Variants in ZPLD1 observed in about 807,000 individuals in gnomAD.
ZPLD1 encodes zona pellucida like domain containing 1.
Under a neutral mutation model 47.2 loss-of-function variants are expected in ZPLD1, and 34 were observed. The ratio of observed to expected loss-of-function variants is 0.72; its 90% confidence interval spans 0.55 to 0.96. ZPLD1 has a LOEUF of 0.96. Among genes scored for constraint, ZPLD1 ranks in the 40% least tolerant of loss-of-function variants. The pLI is 0.00. For missense variants in ZPLD1, 512 were observed against 505.8 expected (o/e 1.01, Z -0.12); for synonymous variants, 176 against 186.2 (o/e 0.95, Z 0.45).
intron 8 of ZPLD1, among the ~76,000 whole-genome samples, chr3:102,421,035 G>C (rs1352264765): frequency 6.6e-6 from 1 of 151,830 alleles, no homozygotes; most frequent in Non-Finnish European, 1.5e-5. Context: ...GTAAAGTTAG[G>C]ATTCTCTATA....
At chr3:102,466,111 G>C (rs776487886) in intron 8 of ZPLD1, among the ~76,000 whole-genome samples, 1 of 152,194 alleles carries the variant, frequency 6.6e-6, no homozygotes, top group Admixed American at 6.5e-5. Context: ...GGAATCGCCT[G>C]GGAAGGCAGG....
At chr3:102,409,809 G>C (rs1205910685) in intron 7 of ZPLD1, among the ~76,000 whole-genome samples, 3 of 151,770 alleles carry the variant, frequency 2.0e-5, no homozygotes, top group African/African-American at 7.3e-5. Flanking sequence ...GAGCTCCACT[G>C]TGGATCGAAG....
intron 4 of ZPLD1, among the ~76,000 whole-genome samples, chr3:102,454,480 G>C (rs1707382819): frequency 6.6e-6 from 1 of 152,106 alleles, no homozygotes; most frequent in Non-Finnish European, 1.5e-5. Flanking sequence ...CTGCTGCCTA[G>C]AAAATGATTC....
intron 8 of ZPLD1, among the ~76,000 whole-genome samples, chr3:102,428,779 G>A (rs1360593221): frequency 2.7e-5 from 4 of 150,466 alleles, no homozygotes; most frequent in African/African-American, 9.8e-5. Flanking sequence ...ATAAAACCTT[G>A]GTAGCATTTC....
rs575076177 is a variant in ZPLD1, at chr3:102,386,891, T to C, written c.-213+1574T>C. 3.3e-5 allele frequency among the ~76,000 whole-genome samples: 5 copies of C among 152,346 alleles called. No homozygotes were observed. In the South Asian group the frequency reaches 8.3e-4, roughly 25 times the overall value. ...TAGACTCCCTCTCCAGAAGTATCCA[T>C]TTTTAATCCTTTTGGCTGTCCCAGT... On this transcript the variant is annotated intron_variant, in intron 6 of 17. Coordinates refer to the ZPLD1 transcript ENST00000491959.
chr3:102,479,184 T>C lies in ZPLD1; in HGVS notation c.*1566T>C, dbSNP rs1321891908. The stretch of plus-strand genomic sequence containing the variant: ...GGATCTGGAAAGTCTCTGGATAATT[T>C]CTTTACAAAAAAAGTTTAAATCACA... On this transcript the variant is annotated 3_prime_UTR_variant, in exon 12 of 12. Transcript: ENST00000466937. The C allele has an allele frequency of 6.6e-6, 1 of 152,182 alleles. No homozygotes were observed. Among genetic ancestry groups the C allele is most frequent in the East Asian group, 1.9e-4 (1 of 5,204 alleles). The allele number at this position is 152,182 out of a possible 1,614,324, so 9.4% of individuals were successfully genotyped here. A position where few individuals can be genotyped will look rare whatever the true frequency, so the allele number is the denominator to read the frequency against.
At chr3:102,468,730 ATTC>A (rs141560294) in intron 8 of ZPLD1, among the ~76,000 whole-genome samples, 1,956 of 152,328 alleles carry the variant, frequency 0.013, 45 homozygotes, top group African/African-American at 0.044. Flanking sequence ...TGAAAGTATA[ATTC>A]TTCTAACTAT....
Position 102,457,667 on chromosome 3 carries a change from A to T in ZPLD1, c.510-114A>T, listed in dbSNP as rs139190567. On this transcript the variant is annotated intron_variant, in intron 5 of 11. Coordinates refer to ENST00000466937, the MANE Select transcript of ZPLD1 (RefSeq NM_001329788.2). The stretch of plus-strand genomic sequence containing the variant: ...TAAACAGTATAGCAACTCCAGGTAT[A>T]ATTAACAGTATGTCAGAATTATTCA... The T allele has an allele frequency of 4.9e-3, 4,474 of 904,174 alleles. 30 individuals carry two copies. The highest frequency in any genetic ancestry group is 4.3e-3 in the Non-Finnish European group (2,448 of 566,824). The allele number at this position is 904,174 out of a possible 1,614,324, so 56.0% of individuals were successfully genotyped here.
In ZPLD1 at chr3:102,457,873, A is replaced by T. The variant is rs1707443701; in HGVS notation, c.582+20A>T. On this transcript the variant is annotated intron_variant, in intron 6 of 11. Coordinates refer to ENST00000466937, the MANE Select transcript of ZPLD1 (RefSeq NM_001329788.2). The stretch of plus-strand genomic sequence containing the variant: ...TATAACGTAAGTTGATGGGTGAAGG[A>T]TGTTATTTTCTCTTTCACTGTTGTG... 6.2e-7 allele frequency: 1 copy of T among 1,612,392 alleles called. No individual in the cohort carries two copies. The highest frequency in any genetic ancestry group is 1.1e-5 in the South Asian group (1 of 90,968).
Position 102,445,043 on chromosome 3 carries a change from G to A in ZPLD1, c.106+6450G>A, listed in dbSNP as rs541452633. Among the ~76,000 whole-genome samples the A allele has an allele frequency of 1.8e-4, 27 of 152,302 alleles. No individual in the cohort carries two copies. In the South Asian group the frequency reaches 5.4e-3, roughly 30 times the overall value. ...TGGACTCCTTGACCACAGTGCTACA[G>A]GCACCACCACTGCCAGAAATGCTTT... On this transcript the variant is annotated intron_variant, in intron 3 of 11. Coordinates refer to ENST00000466937, the MANE Select transcript of ZPLD1 (RefSeq NM_001329788.2).
upstream of ZPLD1, chr3:102,434,871 C>G: frequency 2.2e-6 from 1 of 454,688 alleles, no homozygotes; most frequent in Non-Finnish European, 4.0e-6. Flanking sequence ...CCAGAGTAAA[C>G]CACAGAATCA....
intron 3 of ZPLD1, among the ~76,000 whole-genome samples, chr3:102,451,003 A>C (rs1373198756): frequency 6.6e-6 from 1 of 152,188 alleles, no homozygotes; most frequent in Non-Finnish European, 1.5e-5. Context: ...TTTTTCCACC[A>C]ACAAAGGAAA....
chr3:102,443,335 C>A (rs1196581707), intron 3 of ZPLD1, among the ~76,000 whole-genome samples: 3 of 152,188 alleles, frequency 2.0e-5, no homozygotes, highest in Non-Finnish European at 4.4e-5. Context: ...TCACAGAATT[C>A]TTTCATTTCT....
intron 10 of ZPLD1, among the ~76,000 whole-genome samples, chr3:102,475,905 A>T (rs914209790): frequency 1.3e-5 from 2 of 152,156 alleles, no homozygotes; most frequent in African/African-American, 4.8e-5. Context: ...AATCCTAGAG[A>T]TTCATAGCTT....
At chr3:102,476,979 T>A in intron 10 of ZPLD1, 33 bp from the exon 11 acceptor site, 1 of 1,607,190 alleles carries the variant, frequency 6.2e-7, no homozygotes, top group East Asian at 2.2e-5. Flanking sequence ...GGAGAGATGA[T>A]GTCACTTCTC....
intron 6 of ZPLD1, among the ~76,000 whole-genome samples, chr3:102,387,797 C>T (rs1335681301): frequency 1.3e-5 from 2 of 150,936 alleles, no homozygotes; most frequent in Non-Finnish European, 2.9e-5. Context: ...TTATCCTAAG[C>T]ACTCACCCAC....
chr3:102,394,289 T>C (rs1429020305), intron 7 of ZPLD1, among the ~76,000 whole-genome samples: 1 of 152,160 alleles, frequency 6.6e-6, no homozygotes, highest in Non-Finnish European at 1.5e-5. Context: ...CATTTAAACA[T>C]AGAAGTCAGG....
chr3:102,429,763 T>A (rs553685985), intron 8 of ZPLD1, among the ~76,000 whole-genome samples: 37 of 152,236 alleles, frequency 2.4e-4, no homozygotes, highest in African/African-American at 8.7e-4. Context: ...CCACAACAGA[T>A]AGATGGATGG....
chr3:102,429,284 A>G (rs866614128), intron 8 of ZPLD1, among the ~76,000 whole-genome samples: 23 of 152,274 alleles, frequency 1.5e-4, no homozygotes, highest in Middle Eastern at 3.4e-3. Flanking sequence ...TTTGATTAAA[A>G]TTTTGCATTT....
Sources: gnomAD v4.1 joint callset for allele counts (sites outside exome capture counted in the v4.1 genomes callset) on GRCh38, gnomAD v4.1.1 for gene constraint, MANE v1.5 for transcripts, NCBI Gene and HGNC (gene_info 2026-07-23, HGNC 2026-07-21) for gene names.